The following IL2RB variants were observed in gnomAD, a reference collection of about 807,000 sequenced individuals.
IL2RB encodes the protein interleukin 2 receptor subunit beta, also known as interleukin-2 receptor subunit beta.
In IL2RB, 17 loss-of-function variants were observed where a neutral mutation model predicts 44.2. The ratio of observed to expected loss-of-function variants is 0.38; its 90% CI spans 0.26 to 0.58. The LOEUF is 0.58. Ranked by LOEUF, IL2RB falls within the 20% of genes least tolerant of loss-of-function variation. The pLI, the probability that IL2RB is intolerant of heterozygous loss-of-function variation, is 0.63. For synonymous variants in IL2RB, 286 were observed against 297.9 expected, an observed-to-expected ratio of 0.96 and a Z score of 0.41; for missense variants, 624 against 685.5, an observed-to-expected ratio of 0.91 and a Z score of 1.00.
At chr22:37,158,159 G>A (rs977986381) in intron 1 of IL2RB, among the ~76,000 whole-genome samples, 2 of 152,128 alleles carry the variant, frequency 1.3e-5, no homozygotes, top group African/African-American at 2.4e-5. Context: ...CTGCAGTCAC[G>A]GGACCCGAGG....
intron 1 of IL2RB, among the ~76,000 whole-genome samples, chr22:37,171,041 T>G (rs1923265798): frequency 6.6e-6 from 1 of 152,022 alleles, no homozygotes; most frequent in African/African-American, 2.4e-5. Flanking sequence ...TGGAGTGCAG[T>G]GGCACAATCT....
chr22:37,173,570 A>G (rs1393340372), intron 1 of IL2RB, among the ~76,000 whole-genome samples: 3 of 152,202 alleles, frequency 2.0e-5, no homozygotes, highest in Admixed American at 2.0e-4. Flanking sequence ...ACGTACCAGT[A>G]TTTTACATAT....
intron 8 of IL2RB, among the ~76,000 whole-genome samples, chr22:37,133,039 G>A (rs957841605): frequency 2.0e-5 from 3 of 152,236 alleles, no homozygotes; most frequent in African/African-American, 7.2e-5. Context: ...ACATCACCGT[G>A]AAGAAAGAGG....
chr22:37,132,956 G>A (rs556335573), intron 8 of IL2RB, among the ~76,000 whole-genome samples: 60 of 152,312 alleles, frequency 3.9e-4, no homozygotes, highest in Non-Finnish European at 7.9e-4. Flanking sequence ...CAGGGAGTGG[G>A]AAAGGTGGTG....
At chr22:37,144,931 A>G (rs868225663) in intron 1 of IL2RB, among the ~76,000 whole-genome samples, 18 of 152,354 alleles carry the variant, frequency 1.2e-4, no homozygotes, top group African/African-American at 3.8e-4. Context: ...TAGGTCCACA[A>G]TTCCTAGAAC....
chr22:37,169,889 T>C (rs1923215793), intron 1 of IL2RB, among the ~76,000 whole-genome samples: 1 of 152,232 alleles, frequency 6.6e-6, no homozygotes, highest in Admixed American at 6.5e-5. Flanking sequence ...TGCATTTCTT[T>C]ATGCTGCCTG....
intron 1 of IL2RB, among the ~76,000 whole-genome samples, chr22:37,167,715 TTGAC>T (rs1443398192): frequency 3.9e-5 from 6 of 152,240 alleles, no homozygotes; most frequent in Non-Finnish European, 7.3e-5. Flanking sequence ...ATATTCCTAA[TTGAC>T]TGGGCATAGG....
At chr22:37,152,421 ATT>A (rs1263645546), upstream of IL2RB, among the ~76,000 whole-genome samples, 1 of 152,148 alleles carries the variant, frequency 6.6e-6, no homozygotes, top group Non-Finnish European at 1.5e-5. Flanking sequence ...TTGATTTTGT[ATT>A]CTGCAGCTTA....
chr22:37,169,105 G>A (rs1923179301), intron 1 of IL2RB, among the ~76,000 whole-genome samples: 1 of 151,836 alleles, frequency 6.6e-6, no homozygotes, highest in Non-Finnish European at 1.5e-5. Flanking sequence ...TTTACAGAAG[G>A]ATTCTTGTTT....
chr22:37,130,895 G>A (rs1428467498), intron 9 of IL2RB, among the ~76,000 whole-genome samples: 4 of 152,324 alleles, frequency 2.6e-5, no homozygotes, highest in African/African-American at 9.6e-5. Context: ...GGCCAGGCAC[G>A]GTGGCGCACG....
rs1023894710 is a variant in IL2RB, at chr22:37,133,324, T to C, written c.819-856A>G. Reference sequence around the variant, plus strand: ...CGGAGGGGACGGGTGGGTGGAGGAATGCTTGTCTTCTTGGGAGGAAAGAGG... The same window carrying C: ...CGGAGGGGACGGGTGGGTGGAGGAACGCTTGTCTTCTTGGGAGGAAAGAGG... On this transcript the variant is annotated intron_variant, in intron 8 of 9. Coordinates refer to ENST00000216223, the MANE Select transcript of IL2RB (RefSeq NM_000878.5). Among the ~76,000 whole-genome samples, 3 of 152,184 alleles carry C rather than the reference T, an allele frequency of 2.0e-5. 1 individual carries two copies. The highest frequency in any genetic ancestry group is 6.8e-3 in the Middle Eastern group (2 of 294).
chr22:37,139,324 GC>G (rs1188745350), intron 4 of IL2RB, 102 bp from the exon 5 acceptor site: 2 of 737,634 alleles, frequency 2.7e-6, no homozygotes, highest in East Asian at 5.5e-5. Context: ...CTCTCCACAT[GC>G]CCCGCCACCC....
intron 1 of IL2RB, among the ~76,000 whole-genome samples, chr22:37,160,480 G>A (rs930461048): frequency 6.6e-6 from 1 of 152,194 alleles, no homozygotes; most frequent in African/African-American, 2.4e-5. Context: ...GTGGACAGGT[G>A]GGGACCATGG....
At chr22:37,149,536 A>C (rs534691780) in intron 1 of IL2RB, among the ~76,000 whole-genome samples, 1 of 152,276 alleles carries the variant, frequency 6.6e-6, no homozygotes, top group African/African-American at 2.4e-5. Flanking sequence ...GGGGCCCAGC[A>C]CACAGAGCCC....
In IL2RB at chr22:37,141,522, A is replaced by T. The variant is rs1469098641; in HGVS notation, c.282+912T>A. On this transcript the variant is annotated intron_variant, in intron 4 of 9. Transcript: ENST00000216223. This position sits in a 1 kb window ranked among gnomAD's most constrained non-coding sequence, Gnocchi z 4.4. The stretch of plus-strand genomic sequence containing the variant: ...ACAAGCGGGACCCCTGCCCCTTCCG[A>T]GGTAGCCAGGAGCTCTCCTGGGGCA... 6.6e-6 allele frequency among the ~76,000 whole-genome samples: 1 copy of T among 150,900 alleles called. No homozygotes were observed. Among genetic ancestry groups the T allele is most frequent in the Non-Finnish European group, 1.5e-5 (1 of 67,686 alleles).
intron 1 of IL2RB, 115 bp from the exon 2 acceptor site, chr22:37,144,320 C>T (rs1922124906): frequency 7.7e-7 from 1 of 1,292,312 alleles, no homozygotes. Context: ...TCCTCGGTGC[C>T]AGCTCAGTCC....
chr22:37,161,163 G>A (rs567581167), intron 1 of IL2RB, among the ~76,000 whole-genome samples: 2 of 152,190 alleles, frequency 1.3e-5, no homozygotes, highest in African/African-American at 4.8e-5. Flanking sequence ...ACAAAAAAAC[G>A]TGAAAACCTC....
At chr22:37,153,513 G>A (rs1037292783), upstream of IL2RB, among the ~76,000 whole-genome samples, 1 of 152,142 alleles carries the variant, frequency 6.6e-6, no homozygotes, top group South Asian at 2.1e-4. Context: ...ATGTGACCAC[G>A]CACTGCAGGC....
intron 1 of IL2RB, among the ~76,000 whole-genome samples, chr22:37,169,741 C>G (rs777893354): frequency 6.6e-6 from 1 of 152,176 alleles, no homozygotes; most frequent in Non-Finnish European, 1.5e-5. Flanking sequence ...CTTCAGGCCC[C>G]GGGTTCACAT....
Sources: gnomAD v4.1 joint callset for allele counts (sites outside exome capture counted in the v4.1 genomes callset) on GRCh38, gnomAD v4.1.1 for gene constraint, Gnocchi (gnomAD v3.1) non-coding constraint, MANE v1.5 for transcripts, NCBI Gene and HGNC (gene_info 2026-07-23, HGNC 2026-07-21) for gene names.